Variants in PSD3 observed in about 807,000 individuals in gnomAD.
PSD3 encodes pleckstrin and Sec7 domain containing 3.
Under a neutral mutation model 105.5 loss-of-function variants are expected in PSD3, and 49 were observed. The observed-to-expected ratio is 0.46, with a 90% CI of 0.37 to 0.59. The LOEUF (loss-of-function observed/expected upper bound fraction) is 0.59. Among genes scored for constraint, PSD3 ranks in the 20% least tolerant of loss-of-function variants. The pLI is 0.00. For missense variants in PSD3, 1,561 were observed against 1,263.8 expected, an observed-to-expected ratio of 1.24 and a Z score of -3.57; for synonymous variants, 557 against 457.8, an observed-to-expected ratio of 1.22 and a Z score of -2.77.
chr8:18,767,271 C>T (rs1278236226), intron 8 of PSD3, among the ~76,000 whole-genome samples: 1 of 152,196 alleles, frequency 6.6e-6, no homozygotes, highest in East Asian at 1.9e-4. Flanking sequence ...CAGAGAATCA[C>T]CTCTTATTCT....
At chr8:18,911,409 A>G (rs964517287) in intron 2 of PSD3, among the ~76,000 whole-genome samples, 47 of 152,194 alleles carry the variant, frequency 3.1e-4, no homozygotes, top group African/African-American at 9.9e-4. Flanking sequence ...GATATGGTGG[A>G]GAGACAGCCT....
At chr8:18,919,162 G>A (rs1820825694) in intron 2 of PSD3, among the ~76,000 whole-genome samples, 1 of 152,074 alleles carries the variant, frequency 6.6e-6, no homozygotes, top group African/African-American at 2.4e-5. Context: ...TACAAAAGGA[G>A]CCAGGTGATC....
At chr8:18,798,022 A>C (rs1353814013) in intron 8 of PSD3, among the ~76,000 whole-genome samples, 1 of 152,184 alleles carries the variant, frequency 6.6e-6, no homozygotes, top group Non-Finnish European at 1.5e-5. Flanking sequence ...CAAAGCAGTG[A>C]AAACTTGCTT....
At chr8:18,793,477 C>T (rs980382587) in intron 8 of PSD3, among the ~76,000 whole-genome samples, 2 of 151,238 alleles carry the variant, frequency 1.3e-5, no homozygotes, top group Non-Finnish European at 2.9e-5. Flanking sequence ...CACATAGACC[C>T]CTGACCTTAA....
At chr8:18,591,082 T>C (rs1803570631) in intron 12 of PSD3, among the ~76,000 whole-genome samples, 1 of 152,092 alleles carries the variant, frequency 6.6e-6, no homozygotes, top group African/African-American at 2.4e-5. Flanking sequence ...CCAAAATACC[T>C]ACTAAGACAA....
chr8:18,632,097 T>C (rs780594077), intron 11 of PSD3, among the ~76,000 whole-genome samples: 1 of 152,050 alleles, frequency 6.6e-6, no homozygotes, highest in Non-Finnish European at 1.5e-5. Context: ...AAACTAATTA[T>C]ACTATGCTCT....
intron 9 of PSD3, among the ~76,000 whole-genome samples, chr8:18,696,924 C>T (rs1801290140): frequency 6.6e-6 from 1 of 152,098 alleles, no homozygotes; most frequent in African/African-American, 2.4e-5. Context: ...ATCTTGTTTG[C>T]CCCATATATC....
intron 2 of PSD3, among the ~76,000 whole-genome samples, chr8:18,935,696 A>AAG (rs1822072282): frequency 1.8e-4 from 2 of 11,156 alleles, no homozygotes; most frequent in Non-Finnish European, 2.6e-4. Flanking sequence ...ACTTTGTCTC[A>AAG]AAAAAAAAAA....
chr8:18,865,265 TATATATATA>T (rs1816805164), intron 4 of PSD3: 7 of 7,660 alleles, frequency 9.1e-4, no homozygotes, highest in Non-Finnish European at 1.3e-3. Context: ...TATATATATA[TATATATATA>T]TATATATATA....
chr8:19,019,402 T>C (rs1001011251), intron 1 of PSD3, among the ~76,000 whole-genome samples: 3 of 152,248 alleles, frequency 2.0e-5, no homozygotes, highest in African/African-American at 4.8e-5. Context: ...TCTTAAAATA[T>C]GCATTTAAAG....
At chr8:18,554,967 C>T (rs111461984) in intron 15 of PSD3, among the ~76,000 whole-genome samples, 3 of 152,030 alleles carry the variant, frequency 2.0e-5, no homozygotes, top group African/African-American at 4.8e-5. Flanking sequence ...ATGTGACTAC[C>T]GTAGGGAGGC....
intron 2 of PSD3, among the ~76,000 whole-genome samples, chr8:18,874,905 GAAATATAT>G (rs1817631838): frequency 6.6e-6 from 1 of 151,982 alleles, no homozygotes; most frequent in Non-Finnish European, 1.5e-5. Flanking sequence ...AAAATAATTT[GAAATATAT>G]ACACTTTTTT....
At chr8:18,761,187 G>T (rs780665759) in intron 9 of PSD3, among the ~76,000 whole-genome samples, 3 of 152,134 alleles carry the variant, frequency 2.0e-5, no homozygotes, top group African/African-American at 7.2e-5. Flanking sequence ...AAGGTAAAAA[G>T]GTAAGGGTTA....
At chr8:18,567,244 T>C (rs769769917) in intron 14 of PSD3, among the ~76,000 whole-genome samples, 6 of 136,008 alleles carry the variant, frequency 4.4e-5, no homozygotes, top group Admixed American at 8.0e-5. Context: ...GTAAAATTAA[T>C]AGAGCAAAAC....
intron 4 of PSD3, among the ~76,000 whole-genome samples, chr8:18,828,146 C>A (rs1449658238): frequency 6.7e-6 from 1 of 148,712 alleles, no homozygotes; most frequent in Non-Finnish European, 1.5e-5. Context: ...GGCAGCAGAG[C>A]TACAAGCTAT....
rs903596812 is a variant in PSD3, at chr8:18,663,057, G to A, written c.2173-7372C>T. On this transcript the variant is annotated intron_variant, in intron 9 of 15. Coordinates refer to ENST00000327040, the MANE Select transcript of PSD3 (RefSeq NM_015310.4). Reference sequence around the variant, plus strand: ...CTTCATTATTACTGAAGAAAAATAAGGTAGCCAAAGACAATACTAACTAAA... The same window carrying A: ...CTTCATTATTACTGAAGAAAAATAAAGTAGCCAAAGACAATACTAACTAAA... 3.3e-5 allele frequency among the ~76,000 whole-genome samples: 5 copies of A among 152,084 alleles called. No homozygotes were observed. The East Asian group carries it at 9.6e-4, about 29-fold the overall frequency.
intron 6 of PSD3, chr8:18,803,287 C>CCAAA (rs745364289): frequency 2.0e-5 from 1 of 51,192 alleles, no homozygotes; most frequent in Non-Finnish European, 3.2e-5. Flanking sequence ...ACTCTGTCTC[C>CCAAA]AAAAAAAAAA....
At chr8:18,877,597 G>A (rs953820838) in intron 2 of PSD3, among the ~76,000 whole-genome samples, 9 of 149,628 alleles carry the variant, frequency 6.0e-5, no homozygotes, top group Admixed American at 3.3e-4. Context: ...GCTGGAGTAC[G>A]GTGGTGCAAT....
At chr8:18,682,198 G>C (rs181291060) in intron 9 of PSD3, among the ~76,000 whole-genome samples, 214 of 152,216 alleles carry the variant, frequency 1.4e-3, no homozygotes, top group African/African-American at 4.7e-3. Context: ...ATTATCATGA[G>C]GATAGGTAGT....
Sources: allele counts gnomAD v4.1 joint callset (sites outside exome capture counted in the v4.1 genomes callset), GRCh38; gene constraint gnomAD v4.1.1; transcripts MANE v1.5; gene names NCBI Gene and HGNC (gene_info 2026-07-23, HGNC 2026-07-21).